The following CABCOCO1 variants were observed in gnomAD, a reference collection of about 807,000 sequenced individuals.
The protein encoded by CABCOCO1 is ciliary-associated calcium-binding coiled-coil protein 1.
CABCOCO1 carries 28 observed loss-of-function variants against 35.7 expected under a neutral mutation model. That is an observed-to-expected ratio of 0.78 (90% CI 0.58 to 1.07). The LOEUF (loss-of-function observed/expected upper bound fraction) is 1.07, where lower values mean the gene tolerates loss of function less well. Ranked by LOEUF, CABCOCO1 falls within the 50% of genes least tolerant of loss-of-function variation. The pLI, the probability that CABCOCO1 is intolerant of heterozygous loss-of-function variation, is 0.00. For missense variants in CABCOCO1, 326 were observed against 309.2 expected, an observed-to-expected ratio of 1.05 and a Z score of -0.41; for synonymous variants, 95 against 100.1, an observed-to-expected ratio of 0.95 and a Z score of 0.30.
chr10:61,714,613 A>G (rs1271876404), intron 5 of CABCOCO1, among the ~76,000 whole-genome samples: 1 of 152,054 alleles, frequency 6.6e-6, no homozygotes, highest in Admixed American at 6.5e-5. Flanking sequence ...TAGGGTGTCA[A>G]TTTTAGATCT....
chr10:61,669,665 A>G (rs902284912), intron 1 of CABCOCO1, among the ~76,000 whole-genome samples: 1 of 152,108 alleles, frequency 6.6e-6, no homozygotes, highest in Non-Finnish European at 1.5e-5. Flanking sequence ...AGATGATTAT[A>G]TTAAGCCTGC....
At chr10:61,739,685 C>A (rs1385862230) in intron 5 of CABCOCO1, among the ~76,000 whole-genome samples, 1 of 152,080 alleles carries the variant, frequency 6.6e-6, no homozygotes, top group Non-Finnish European at 1.5e-5. Context: ...GGTGCAGTGG[C>A]TCATGCCTGT....
chr10:61,687,035 C>T (rs1839985535), intron 4 of CABCOCO1, among the ~76,000 whole-genome samples: 1 of 152,134 alleles, frequency 6.6e-6, no homozygotes, highest in Non-Finnish European at 1.5e-5. Flanking sequence ...AGAGTGCTGA[C>T]TGATATCTTA....
At chr10:61,743,303 T>G (rs900236045) in intron 5 of CABCOCO1, among the ~76,000 whole-genome samples, 5 of 152,178 alleles carry the variant, frequency 3.3e-5, no homozygotes, top group African/African-American at 1.2e-4. Flanking sequence ...TCTTTCAATG[T>G]AGCCATAGCA....
chr10:61,687,441 AT>A (rs1050880336), intron 4 of CABCOCO1, among the ~76,000 whole-genome samples: 1 of 152,104 alleles, frequency 6.6e-6, no homozygotes, highest in African/African-American at 2.4e-5. Context: ...TTCCTTCTCT[AT>A]TTGAACAGTC....
chr10:61,710,286 GTGTGTGTGT>G, intron 5 of CABCOCO1, among the ~76,000 whole-genome samples: 1 of 89,620 alleles, frequency 1.1e-5, no homozygotes, highest in African/African-American at 4.2e-5. Flanking sequence ...GTGTGTGTGT[GTGTGTGTGT>G]AGAGATATAA....
chr10:61,671,197 G>A (rs1206925235), intron 1 of CABCOCO1, among the ~76,000 whole-genome samples: 2 of 152,072 alleles, frequency 1.3e-5, no homozygotes, highest in Non-Finnish European at 1.5e-5. Context: ...ATGGTGGCAG[G>A]CCCCTGTAGT....
At chr10:61,734,520 A>G (rs901764321) in intron 5 of CABCOCO1, among the ~76,000 whole-genome samples, 18 of 149,262 alleles carry the variant, frequency 1.2e-4, no homozygotes, top group Middle Eastern at 3.2e-3. Flanking sequence ...GAAGGGGGAA[A>G]AAAAAAACAC....
intron 1 of CABCOCO1, among the ~76,000 whole-genome samples, chr10:61,671,203 G>GTAGT (rs1416197977): frequency 6.6e-6 from 1 of 152,040 alleles, no homozygotes; most frequent in East Asian, 1.9e-4. Context: ...GCAGGCCCCT[G>GTAGT]TAGTCCCAGC....
In CABCOCO1 at chr10:61,662,944, G is replaced by A. The variant is rs926953661; in HGVS notation, c.-29G>A. On this transcript the variant is annotated 5_prime_UTR_variant, in exon 1 of 8. Transcript: ENST00000648843. ...CACCCCAGTTGCCTAGGTGACGAGG[G>A]GCCGCTTCTCTCGGCCGAGATTGCG... 3 of 391,146 alleles carry A rather than the reference G, an allele frequency of 7.7e-6. No individual in the cohort carries two copies. Among genetic ancestry groups the A allele is most frequent in the Admixed American group, 3.1e-5 (1 of 32,370 alleles). The allele number at this position is 391,146 out of a possible 1,614,324, so 24.2% of individuals were successfully genotyped here. A position where few individuals can be genotyped will look rare whatever the true frequency, so the allele number is the denominator to read the frequency against.
chr10:61,694,891 C>T (rs75119768), intron 5 of CABCOCO1, among the ~76,000 whole-genome samples: 198 of 152,206 alleles, frequency 1.3e-3, no homozygotes, highest in Non-Finnish European at 2.1e-3. Context: ...GCCCTAGCTA[C>T]CATGGACTGA....
intron 5 of CABCOCO1, among the ~76,000 whole-genome samples, chr10:61,718,389 T>C (rs1840918932): frequency 1.3e-5 from 2 of 152,150 alleles, no homozygotes; most frequent in Non-Finnish European, 2.9e-5. Context: ...AAGTAGTCAA[T>C]TCACTGGAAA....
intron 5 of CABCOCO1, among the ~76,000 whole-genome samples, chr10:61,742,143 G>A (rs1292648816): frequency 2.0e-5 from 3 of 152,224 alleles, no homozygotes; most frequent in East Asian, 1.9e-4. Context: ...AAGAGTGAGC[G>A]AAAGGGAGGA....
At chr10:61,669,226 T>A (rs1839286062) in intron 1 of CABCOCO1, among the ~76,000 whole-genome samples, 1 of 151,814 alleles carries the variant, frequency 6.6e-6, no homozygotes, top group South Asian at 2.1e-4. Context: ...AGAAAAAATA[T>A]ATACAAATGT....
chr10:61,680,468 A>T (rs1177506299), intron 2 of CABCOCO1, among the ~76,000 whole-genome samples: 2 of 29,350 alleles, frequency 6.8e-5, no homozygotes, highest in Admixed American at 3.2e-4. Flanking sequence ...AACATATATA[A>T]TATATATTTA....
intron 1 of CABCOCO1, among the ~76,000 whole-genome samples, chr10:61,663,662 T>A (rs920413860): frequency 6.6e-6 from 1 of 152,154 alleles, no homozygotes; most frequent in Admixed American, 6.6e-5. Flanking sequence ...TTTAGGAAAG[T>A]TATTTAATCT....
chr10:61,668,772 G>T (rs963220180), intron 1 of CABCOCO1, among the ~76,000 whole-genome samples: 3 of 151,498 alleles, frequency 2.0e-5, no homozygotes, highest in Non-Finnish European at 4.4e-5. Flanking sequence ...ACTATGGTAA[G>T]GTGAACGAGG....
intron 7 of CABCOCO1, among the ~76,000 whole-genome samples, chr10:61,763,500 C>T (rs1440550395): frequency 6.6e-6 from 1 of 151,780 alleles, no homozygotes; most frequent in African/African-American, 2.4e-5. Context: ...ATTATTTTGG[C>T]CCTGAGTTGT....
chr10:61,707,927 G>A (rs575116743), intron 5 of CABCOCO1, among the ~76,000 whole-genome samples: 4 of 151,904 alleles, frequency 2.6e-5, no homozygotes, highest in Non-Finnish European at 4.4e-5. Flanking sequence ...TACCATTAAC[G>A]ATTTTCTTAA....
Sources: allele counts gnomAD v4.1 joint callset (sites outside exome capture counted in the v4.1 genomes callset), GRCh38; gene constraint gnomAD v4.1.1; transcripts MANE v1.5; gene names NCBI Gene and HGNC (gene_info 2026-07-23, HGNC 2026-07-21).